KBTBD11: variants seen among roughly 807,000 people sequenced by gnomAD.
KBTBD11 encodes the protein kelch repeat and BTB domain-containing protein 11.
For synonymous variants in KBTBD11, 747 were observed against 499.0 expected (o/e 1.50, Z -6.63); for missense variants, 1,390 against 1,001.8 (o/e 1.39, Z -5.23).
chr8:1,973,769 C>T lies in KBTBD11; in HGVS notation c.-1075C>T, dbSNP rs923208929. The T allele has an allele frequency of 5.1e-6, 5 of 983,658 alleles. No homozygotes were observed. Among genetic ancestry groups the T allele is most frequent in the South Asian group, 9.4e-5 (2 of 21,292 alleles). The allele number at this position is 983,658 out of a possible 1,614,324, so 60.9% of individuals were successfully genotyped here. A position where few individuals can be genotyped will look rare whatever the true frequency, so the allele number is the denominator to read the frequency against. On this transcript the variant is annotated 5_prime_UTR_variant, in exon 1 of 2. Transcript: ENST00000320248. ...GAGGCCTGTCCACCGCCCCCTCTGC[C>T]GCCCACGCCCCGCTGCGGGTCGGAG...
chr8:1,983,877 C>T (rs576300281), intron 1 of KBTBD11, among the ~76,000 whole-genome samples: 2 of 152,124 alleles, frequency 1.3e-5, no homozygotes, highest in African/African-American at 4.8e-5. Context: ...CGCCTGTAAT[C>T]CCAGAACTTT....
Position 2,001,756 on chromosome 8 carries a change from C to G in KBTBD11, c.564C>G (p.Leu188=). 1 of 1,315,844 alleles carries G rather than the reference C, an allele frequency of 7.6e-7. No homozygotes were observed. The highest frequency in any genetic ancestry group is 9.7e-7 in the Non-Finnish European group (1 of 1,034,754). 81.5% of individuals were successfully genotyped at this position (1,315,844 alleles called of 1,614,324 possible). A position where few individuals can be genotyped will look rare whatever the true frequency, so the allele number is the denominator to read the frequency against. Residue 188 remains leucine (L), a synonymous_variant, in exon 2 of 2, where the codon CTC becomes CTG. Transcript: ENST00000320248. ...GCCTGACGGCGCTGCGGCTGCTCCT[C>G]GCCGACGCCTACAGCGGGCGCATGG... ...GVSLTALRLL[L]ADAYSGRMAG...
intron 1 of KBTBD11, among the ~76,000 whole-genome samples, chr8:1,995,164 A>G (rs951890615): frequency 2.6e-5 from 4 of 151,824 alleles, no homozygotes; most frequent in African/African-American, 9.7e-5. Flanking sequence ...ACATTTACTT[A>G]TTCAGTTACT....
intron 1 of KBTBD11, among the ~76,000 whole-genome samples, chr8:1,993,462 C>T (rs1160165836): frequency 6.7e-6 from 1 of 150,128 alleles, no homozygotes; most frequent in Non-Finnish European, 1.5e-5. Flanking sequence ...TCCAATCACC[C>T]ATCTGTCTAT....
In KBTBD11 at chr8:2,000,576, T is replaced by C. The variant is rs1343557085; in HGVS notation, c.-617T>C. 3.3e-5 allele frequency: 5 copies of C among 152,226 alleles called. No individual in the cohort carries two copies. Among genetic ancestry groups the C allele is most frequent in the Admixed American group, 3.3e-4 (5 of 15,268 alleles). The allele number at this position is 152,226 out of a possible 1,614,324, so 9.4% of individuals were successfully genotyped here. On this transcript the variant is annotated 5_prime_UTR_variant, in exon 2 of 2. Transcript: ENST00000320248. ...AAGGAGAGCCCATAAGGGGACTCTT[T>C]TCAAGACACGGTGTTAAATCAAGGC...
chr8:1,979,664 A>G (rs1053992323), intron 1 of KBTBD11, among the ~76,000 whole-genome samples: 14 of 152,326 alleles, frequency 9.2e-5, no homozygotes, highest in African/African-American at 3.4e-4. Flanking sequence ...TTGGACTGTG[A>G]TTGACTAAAT....
chr8:2,001,412 G>T lies in KBTBD11; in HGVS notation c.220G>T (p.Val74Leu). ...GCCCTCCAGCGGTGGCCCGCGGGTG[G>T]TGGAGCGGCAGTGGGAGGCCGGCAG... ...SPPSSGGPRV[V>L]ERQWEAGSAG... The change falls in exon 2 of 2, where the codon GTG (valine) becomes TTG (leucine). Residue 74 changes from valine (V) to leucine (L), a missense_variant. Val to Leu is a conservative substitution (Grantham distance 32). Coordinates refer to ENST00000320248, the MANE Select transcript of KBTBD11 (RefSeq NM_014867.3). 2 of 1,395,684 alleles carry T rather than the reference G, an allele frequency of 1.4e-6. No homozygotes were observed. Among genetic ancestry groups the T allele is most frequent in the Non-Finnish European group, 1.9e-6 (2 of 1,079,330 alleles). The allele number at this position is 1,395,684 out of a possible 1,614,324, so 86.5% of individuals were successfully genotyped here. A position where few individuals can be genotyped will look rare whatever the true frequency, so the allele number is the denominator to read the frequency against.
rs3087819 is a variant in KBTBD11, at chr8:2,005,028, T to G, written c.*1964T>G. ...TGTGAAATCATTCCTGTAATGTTTA[T>G]TGTTTGAAAATGAAATATTGAAATT... On this transcript the variant is annotated 3_prime_UTR_variant, in exon 2 of 2. Transcript: ENST00000320248. The G allele has an allele frequency of 0.91, 152,369 of 167,124 alleles. 69,626 individuals carry two copies. The highest frequency in any genetic ancestry group is 1 in the East Asian group (5,177 of 5,180). 10.4% of individuals were successfully genotyped at this position (167,124 alleles called of 1,614,324 possible).
At chr8:1,989,115 G>A (rs1490822016) in intron 1 of KBTBD11, among the ~76,000 whole-genome samples, 1 of 152,178 alleles carries the variant, frequency 6.6e-6, no homozygotes, top group African/African-American at 2.4e-5. Context: ...CCTCTCTCCA[G>A]AGCCTTGGTG....
chr8:2,001,700 T>C lies in KBTBD11; in HGVS notation c.508T>C (p.Ser170Pro). ...CAGCGACTACTTCCGCGCGCGCGCG[T>C]CGCGGGACGTGCTGCGGGTGCAGGG... ...ARSDYFRARA[S>P]RDVLRVQGVS... The change falls in exon 2 of 2, where the codon TCG becomes CCG. Residue 170 changes from serine to proline, a missense_variant. By Grantham distance (74) the Ser-to-Pro change is moderately conservative. Transcript: ENST00000320248. 7.0e-7 allele frequency: 1 copy of C among 1,429,526 alleles called. No homozygotes were observed. The highest frequency in any genetic ancestry group is 9.1e-7 in the Non-Finnish European group (1 of 1,096,558). The allele number at this position is 1,429,526 out of a possible 1,614,324, so 88.6% of individuals were successfully genotyped here.
In KBTBD11 at chr8:2,006,270, G is replaced by A. The variant is rs1817570640; in HGVS notation, c.*3206G>A. The stretch of plus-strand genomic sequence containing the variant: ...ACTTCCTGTAAACGATTTGGAAATA[G>A]GATGTTTTCAACGTTCTTTTGTCTT... On this transcript the variant is annotated 3_prime_UTR_variant, in exon 2 of 2. Transcript: ENST00000320248. The A allele has an allele frequency of 6.0e-6, 1 of 167,040 alleles. No homozygotes were observed. Among genetic ancestry groups the A allele is most frequent in the South Asian group, 2.1e-4 (1 of 4,834 alleles). The allele number at this position is 167,040 out of a possible 1,614,324, so 10.3% of individuals were successfully genotyped here.
intron 1 of KBTBD11, among the ~76,000 whole-genome samples, chr8:1,981,266 G>C (rs1277724436): frequency 6.6e-6 from 1 of 152,202 alleles, no homozygotes; most frequent in East Asian, 1.9e-4. Flanking sequence ...ACCACCACCA[G>C]ACCTGTCTTA....
Position 2,002,752 on chromosome 8 carries a change from C to A in KBTBD11, c.1560C>A (p.Ser520Arg). Residue 520 changes from serine (S) to arginine (R), a missense_variant, in exon 2 of 2, where the codon AGC becomes AGA. Physicochemically the swap from Ser to Arg is moderately radical, Grantham distance 110. Coordinates refer to ENST00000320248, the MANE Select transcript of KBTBD11 (RefSeq NM_014867.3). The surrounding 1 kb of genome is among the most constrained non-coding windows in gnomAD (Gnocchi z 4.1). ...GCGAGGCGCAGGCGGCGGGGCCGAG[C>A]GGGGTCAGCGTGTCCCGATACCACT... is the stretch of plus-strand genomic sequence containing the variant. ...SRGEAQAAGPSGVSVSRYHCL... is the reference protein window; with the variant it reads ...SRGEAQAAGPRGVSVSRYHCL... The A allele has an allele frequency of 6.7e-7, 1 of 1,488,494 alleles. No homozygotes were observed. Among genetic ancestry groups the A allele is most frequent in the Non-Finnish European group, 8.9e-7 (1 of 1,126,244 alleles). 92.2% of individuals were successfully genotyped at this position (1,488,494 alleles called of 1,614,324 possible). A position where few individuals can be genotyped will look rare whatever the true frequency, so the allele number is the denominator to read the frequency against.
intron 1 of KBTBD11, among the ~76,000 whole-genome samples, chr8:1,997,582 A>G (rs1817190114): frequency 6.6e-6 from 1 of 152,198 alleles, no homozygotes; most frequent in Admixed American, 6.5e-5. Flanking sequence ...GGCTGCCCAG[A>G]GCCTCCTAGA....
chr8:1,987,799 T>C (rs1466697655), intron 1 of KBTBD11, among the ~76,000 whole-genome samples: 1 of 152,024 alleles, frequency 6.6e-6, no homozygotes, highest in Non-Finnish European at 1.5e-5. Flanking sequence ...TGGTTACATA[T>C]ATATACATGT....
Position 2,002,585 on chromosome 8 carries a change from TC to T in KBTBD11, c.1396del (p.Leu466SerfsTer42). 1 of 1,583,694 alleles carries T rather than the reference TC, an allele frequency of 6.3e-7. No individual in the cohort carries two copies. Among genetic ancestry groups the T allele is most frequent in the South Asian group, 1.1e-5 (1 of 88,778 alleles). On this transcript the variant is annotated frameshift_variant, in exon 2 of 2. Transcript: ENST00000320248. LOFTEE classifies it low-confidence loss of function (END_TRUNC). This position sits in a 1 kb window ranked among gnomAD's most constrained non-coding sequence, Gnocchi z 4.1. ...CHGEIYVSGG[S>X]LFYRLLKYDP... is the part of the protein sequence containing the mutation. ...CGGCGAGATCTACGTGTCCGGGGGC[TC>T]CCTCTTCTATCGCCTGCTCAAGTAT...
chr8:1,993,103 C>T (rs1364222397), intron 1 of KBTBD11, among the ~76,000 whole-genome samples: 5 of 152,024 alleles, frequency 3.3e-5, no homozygotes, highest in Non-Finnish European at 7.3e-5. Context: ...CCACCACTCT[C>T]AGCTAATTTT....
intron 1 of KBTBD11, among the ~76,000 whole-genome samples, chr8:1,980,050 A>T (rs1816487572): frequency 6.6e-6 from 1 of 152,132 alleles, no homozygotes; most frequent in South Asian, 2.1e-4. Context: ...CTGTACAATT[A>T]CCTGAAAGTG....
intron 1 of KBTBD11, among the ~76,000 whole-genome samples, chr8:1,986,983 C>T (rs1273609054): frequency 8.9e-6 from 1 of 112,722 alleles, no homozygotes; most frequent in Non-Finnish European, 1.6e-5. Flanking sequence ...GACAGCCTGG[C>T]AACATAGTGA....
Sources: gnomAD v4.1 joint callset for allele counts (sites outside exome capture counted in the v4.1 genomes callset) on GRCh38, gnomAD v4.1.1 for gene constraint, Gnocchi (gnomAD v3.1) non-coding constraint, MANE v1.5 for transcripts, NCBI Gene and HGNC (gene_info 2026-07-23, HGNC 2026-07-21) for gene names.